The following ZNF189 variants were observed in gnomAD, a reference collection of about 807,000 sequenced individuals.
The protein encoded by ZNF189 is zinc finger protein 189.
ZNF189 carries 33 observed loss-of-function variants against 53.5 expected under a neutral mutation model. The ratio of observed to expected loss-of-function variants is 0.62; its 90% CI spans 0.47 to 0.82. ZNF189 has a LOEUF of 0.82. Ranked by LOEUF, ZNF189 falls within the 40% of genes least tolerant of loss-of-function variation. The probability of loss-of-function intolerance (pLI) is 0.00; values close to 1 mark genes in which losing one functional copy is unlikely to be tolerated. For synonymous variants in ZNF189, 247 were observed against 238.8 expected (o/e 1.03, Z -0.32); for missense variants, 711 against 753.9 (o/e 0.94, Z 0.67).
At position 101,410,619 on chromosome 9, in the gene ZNF189, C is replaced by T. The variant is rs866695398; in HGVS notation, c.*970C>T. The T allele has an allele frequency of 6.6e-5, 10 of 152,290 alleles. No individual in the cohort carries two copies. The highest frequency in any genetic ancestry group is 3.4e-3 in the Middle Eastern group (1 of 294). 9.4% of individuals were successfully genotyped at this position (152,290 alleles called of 1,614,324 possible). On this transcript the variant is annotated 3_prime_UTR_variant, in exon 3 of 3. Coordinates refer to ENST00000339664, the MANE Select transcript of ZNF189 (RefSeq NM_003452.4). ...AATGGTTATTATAAACCTATTAATT[C>T]ATCTGTTTTAACCATTAAAACCTGT...
At position 101,408,418 on chromosome 9, in the gene ZNF189, C is replaced by T. The variant is rs745755582; in HGVS notation, c.650C>T (p.Ser217Leu). The T allele has an allele frequency of 6.2e-7, 1 of 1,613,834 alleles. No individual in the cohort carries two copies. Among genetic ancestry groups the T allele is most frequent in the East Asian group, 2.2e-5 (1 of 44,838 alleles). Reference sequence around the variant, plus strand: ...TGTGGAAAAACCTTTAGTGTGAGCTCAACCCTTATTAGACATCAGAGAATC... The same window carrying T: ...TGTGGAAAAACCTTTAGTGTGAGCTTAACCCTTATTAGACATCAGAGAATC... ...NYCGKTFSVS[S>L]TLIRHQRIHT... Residue 217 changes from serine (S) to leucine (L), a missense_variant, in exon 3 of 3, where the codon TCA (serine) becomes TTA (leucine). Transcript: ENST00000339664.
intron 2 of ZNF189, among the ~76,000 whole-genome samples, chr9:101,407,055 A>G (rs1409040006): frequency 1.3e-5 from 2 of 152,160 alleles, no homozygotes; most frequent in South Asian, 2.1e-4. Flanking sequence ...AACTCTGACC[A>G]TGTTTCTTAA....
chr9:101,406,846 AC>A (rs1830731150), intron 2 of ZNF189, among the ~76,000 whole-genome samples: 1 of 152,202 alleles, frequency 6.6e-6, no homozygotes, highest in Admixed American at 6.5e-5. Flanking sequence ...TATATCATAG[AC>A]CACTGTGCTG....
chr9:101,399,882 A>G lies in ZNF189; in HGVS notation c.34-2A>G. ...CTGACTACAGAAATCATACTATTTCAGGGGTTGCTGACATTTGAGGATGTG... is the reference window on the plus strand; with the variant it reads ...CTGACTACAGAAATCATACTATTTCGGGGGTTGCTGACATTTGAGGATGTG... On this transcript the variant is annotated splice_acceptor_variant, in intron 1 of 2. Transcript: ENST00000339664. LOFTEE classifies it high-confidence loss of function. 6.2e-7 allele frequency: 1 copy of G among 1,614,094 alleles called. No homozygotes were observed. Among genetic ancestry groups the G allele is most frequent in the Non-Finnish European group, 8.5e-7 (1 of 1,179,990 alleles).
At chr9:101,402,625 T>G (rs1255372213) in intron 2 of ZNF189, among the ~76,000 whole-genome samples, 4 of 152,204 alleles carry the variant, frequency 2.6e-5, no homozygotes, top group African/African-American at 9.7e-5. Flanking sequence ...TGTTTTACCT[T>G]GTATATACTC....
In ZNF189 at chr9:101,403,504, T is replaced by G. The variant is rs74574324; in HGVS notation, c.160+3494T>G. Reference sequence around the variant, plus strand: ...TCATAATGCAACTCTTGTCTAGCTTTATAGTTTTGGCTTTTCATTCATACT... The same window carrying G: ...TCATAATGCAACTCTTGTCTAGCTTGATAGTTTTGGCTTTTCATTCATACT... On this transcript the variant is annotated intron_variant, in intron 2 of 2. Coordinates refer to ENST00000339664, the MANE Select transcript of ZNF189 (RefSeq NM_003452.4). Among the ~76,000 whole-genome samples the G allele has an allele frequency of 1.1e-4, 16 of 152,348 alleles. No individual in the cohort carries two copies. In the East Asian group the frequency reaches 3.1e-3, roughly 29 times the overall value.
intron 2 of ZNF189, among the ~76,000 whole-genome samples, chr9:101,403,569 T>C (rs907408914): frequency 6.6e-6 from 1 of 152,242 alleles, no homozygotes; most frequent in African/African-American, 2.4e-5. Context: ...CTTTAATAGC[T>C]ACATCGATGA....
Position 101,409,296 on chromosome 9 carries a change from A to T in ZNF189, c.1528A>T (p.Arg510Ter). Residue 510 changes from arginine to a stop codon, truncating the protein, a stop_gained, in exon 3 of 3, where the codon AGA (arginine) becomes TGA (stop). Transcript: ENST00000339664. LOFTEE classifies it high-confidence loss of function. ...ACATCAGAGAATCCACACTGGTGAG[A>T]GACCCTATCTGTGCAGACAGTGTGG... is the stretch of plus-strand genomic sequence containing the variant. ...IEHQRIHTGERPYLCRQCGKS... is the reference protein window; with the variant it reads ...IEHQRIHTGE 6.2e-7 allele frequency: 1 copy of T among 1,614,200 alleles called. No homozygotes were observed. The highest frequency in any genetic ancestry group is 1.7e-5 in the Admixed American group (1 of 60,012).
At position 101,408,398 on chromosome 9, in the gene ZNF189, A is replaced by T; in HGVS notation, c.630A>T (p.Gly210=). The change falls in exon 3 of 3, where the codon GGA becomes GGT. Residue 210 remains glycine, a synonymous_variant. Transcript: ENST00000339664. Reference sequence around the variant, plus strand: ...GGCCCTATGAGTGTAATTACTGTGGAAAAACCTTTAGTGTGAGCTCAACCC... The same window carrying T: ...GGCCCTATGAGTGTAATTACTGTGGTAAAACCTTTAGTGTGAGCTCAACCC... The part of the protein sequence containing the change: ...GERPYECNYC[G]KTFSVSSTLI... 1 of 1,612,270 alleles carries T rather than the reference A, an allele frequency of 6.2e-7. No homozygotes were observed. Among genetic ancestry groups the T allele is most frequent in the Non-Finnish European group, 8.5e-7 (1 of 1,179,500 alleles).
At chr9:101,404,289 T>C (rs531609586) in intron 2 of ZNF189, among the ~76,000 whole-genome samples, 22 of 152,364 alleles carry the variant, frequency 1.4e-4, no homozygotes, top group Middle Eastern at 3.4e-3. Context: ...AGTCATTCTT[T>C]AATAATCTTT....
chr9:101,407,646 C>T, intron 2 of ZNF189: 1 of 429,134 alleles, frequency 2.3e-6, no homozygotes, highest in Non-Finnish European at 4.1e-6. Context: ...CCTCCCACCT[C>T]ACTCTCCCAA....
rs1830881635 is a variant in ZNF189 at position 101,409,978 on chromosome 9, A to G, written c.*329A>G. On this transcript the variant is annotated 3_prime_UTR_variant, in exon 3 of 3. Coordinates refer to ENST00000339664, the MANE Select transcript of ZNF189 (RefSeq NM_003452.4). ...GGGAGCTGGAGCAGCTGATAGTGGAAAACAGAATAATGATTCAAAGAGTCT... is the reference window on the plus strand; with the variant it reads ...GGGAGCTGGAGCAGCTGATAGTGGAGAACAGAATAATGATTCAAAGAGTCT... 1 of 206,656 alleles carries G rather than the reference A, an allele frequency of 4.8e-6. No individual in the cohort carries two copies. The highest frequency in any genetic ancestry group is 5.4e-5 in the Admixed American group (1 of 18,582). 12.8% of individuals were successfully genotyped at this position (206,656 alleles called of 1,614,324 possible).
intron 2 of ZNF189, among the ~76,000 whole-genome samples, chr9:101,405,989 C>T (rs143841069): frequency 0.08 from 12,091 of 150,532 alleles, 552 homozygotes; most frequent in Middle Eastern, 0.18. Flanking sequence ...TGCTTGAACC[C>T]GCGAGGTGGA....
intron 1 of ZNF189, chr9:101,399,489 C>T (rs1270759706): frequency 7.7e-7 from 1 of 1,297,580 alleles, no homozygotes; most frequent in African/African-American, 1.5e-5. Context: ...TTTTGACCTT[C>T]CCTTGTGTCT....
chr9:101,401,529 A>T (rs1364165589), intron 2 of ZNF189, among the ~76,000 whole-genome samples: 1 of 152,212 alleles, frequency 6.6e-6, no homozygotes. Context: ...AGGAGAAAAG[A>T]GAGGAAAAAA....
chr9:101,401,787 A>G (rs1415277598), intron 2 of ZNF189, among the ~76,000 whole-genome samples: 6 of 152,136 alleles, frequency 3.9e-5, no homozygotes, highest in Non-Finnish European at 8.8e-5. Context: ...CTACCTCTCT[A>G]TGAATATGTG....
At chr9:101,406,546 G>A (rs1178760724) in intron 2 of ZNF189, among the ~76,000 whole-genome samples, 1 of 151,900 alleles carries the variant, frequency 6.6e-6, no homozygotes, top group South Asian at 2.1e-4. Context: ...AATTTGAGAG[G>A]GGACACTAAA....
intron 2 of ZNF189, chr9:101,407,546 T>C (rs370487407): frequency 2.9e-5 from 12 of 408,110 alleles, no homozygotes; most frequent in African/African-American, 2.3e-4. Flanking sequence ...TGTACCACCA[T>C]GTCTGGCTAA....
intron 1 of ZNF189, chr9:101,399,619 G>A: frequency 5.4e-6 from 7 of 1,306,666 alleles, no homozygotes; most frequent in Non-Finnish European, 6.9e-6. Flanking sequence ...TGAGGTGAGG[G>A]AAGCTTGGAG....
Sources: gnomAD v4.1 joint callset for allele counts (sites outside exome capture counted in the v4.1 genomes callset) on GRCh38, gnomAD v4.1.1 for gene constraint, MANE v1.5 for transcripts, NCBI Gene and HGNC (gene_info 2026-07-23, HGNC 2026-07-21) for gene names.